The following FAM135B variants were observed in gnomAD, a reference collection of about 807,000 sequenced individuals.
FAM135B encodes protein FAM135B.
FAM135B carries 43 observed loss-of-function variants against 127.7 expected under a neutral mutation model. The observed-to-expected ratio is 0.34, with a 90% CI of 0.26 to 0.43. The LOEUF (loss-of-function observed/expected upper bound fraction) is 0.43. FAM135B is among the 20% of genes least tolerant of loss of function. The probability of loss-of-function intolerance (pLI) is 1.00; values close to 1 mark genes in which losing one functional copy is unlikely to be tolerated. For missense variants in FAM135B, 1,558 were observed against 1,725.6 expected (o/e 0.90, Z 1.72); for synonymous variants, 670 against 665.1 (o/e 1.01, Z -0.11).
At chr8:138,202,318 T>C (rs7460524) in intron 7 of FAM135B, among the ~76,000 whole-genome samples, 94,827 of 151,662 alleles carry the variant, frequency 0.63, 30,329 homozygotes, top group African/African-American at 0.73. Flanking sequence ...GGCGCAATCA[T>C]GGCTCATTGC....
In FAM135B at chr8:138,442,241, T is replaced by TAA. The variant is rs1463527012; in HGVS notation, c.-20+54429_-20+54430insTT. ...TAACGTGAAGAATATGGACACCATA[T>TAA]ATATATATATATATATATATATATA... On this transcript the variant is annotated intron_variant, in intron 1 of 19. Transcript: ENST00000395297. Among the ~76,000 whole-genome samples the TAA allele has an allele frequency of 7.2e-5, 7 of 97,482 alleles. 1 individual carries two copies. Among genetic ancestry groups the TAA allele is most frequent in the African/African-American group, 2.8e-4 (7 of 24,998 alleles). 64.0% of individuals were successfully genotyped at this position (97,482 alleles called of 152,430 possible).
At chr8:138,316,806 CCG>C (rs1169555228) in intron 2 of FAM135B, among the ~76,000 whole-genome samples, 2 of 151,852 alleles carry the variant, frequency 1.3e-5, no homozygotes, top group Non-Finnish European at 2.9e-5. Flanking sequence ...CGGTGAAACC[CCG>C]TCTCTACTAA....
intron 1 of FAM135B, chr8:138,437,294 C>A (rs1236837512): frequency 6.6e-6 from 1 of 152,206 alleles, no homozygotes; most frequent in Non-Finnish European, 1.5e-5. Context: ...CTACCCAAAA[C>A]TCATCTTGAA....
Position 138,266,876 on chromosome 8 carries a change from A to G in FAM135B, c.158-1034T>C, listed in dbSNP as rs573869902. ...ATACTAATATTTGTATAAGGCAATG[A>G]TTACCTATTGATTACCTATTTATAA... On this transcript the variant is annotated intron_variant, in intron 3 of 19. Transcript: ENST00000395297. 6.7e-5 allele frequency among the ~76,000 whole-genome samples: 10 copies of G among 150,074 alleles called. No individual in the cohort carries two copies. In the East Asian group the frequency reaches 1.8e-3, roughly 26 times the overall value.
chr8:138,430,349 A>T (rs1458310902), intron 1 of FAM135B, among the ~76,000 whole-genome samples: 1 of 152,198 alleles, frequency 6.6e-6, no homozygotes, highest in Non-Finnish European at 1.5e-5. Flanking sequence ...ATTAGTATGT[A>T]TTTTTAATAT....
chr8:138,243,782 T>C lies in FAM135B; in HGVS notation c.543-714A>G, dbSNP rs1191641837. Among the ~76,000 whole-genome samples, 1 of 152,254 alleles carries C rather than the reference T, an allele frequency of 6.6e-6. No individual in the cohort carries two copies. Among genetic ancestry groups the C allele is most frequent in the African/African-American group, 2.4e-5 (1 of 41,464 alleles). On this transcript the variant is annotated intron_variant, in intron 6 of 19. Coordinates refer to ENST00000395297, the MANE Select transcript of FAM135B (RefSeq NM_015912.4). The surrounding 1 kb of genome is among the most constrained non-coding windows in gnomAD (Gnocchi z 7.5). ...ATCATCTTCCTCTATCTTTACCTGT[T>C]TGATTTTCATCAATTGATATACCAG...
intron 7 of FAM135B, among the ~76,000 whole-genome samples, chr8:138,227,140 G>A (rs898118209): frequency 6.6e-6 from 1 of 152,192 alleles, no homozygotes; most frequent in South Asian, 2.1e-4. Context: ...GGGCAGGCAC[G>A]TGACCCAAGG....
intron 6 of FAM135B, among the ~76,000 whole-genome samples, chr8:138,247,650 C>T (rs1229363544): frequency 6.6e-6 from 1 of 152,140 alleles, no homozygotes; most frequent in African/African-American, 2.4e-5. Flanking sequence ...TTGCTCTCTG[C>T]CCTTTCGGTT....
chr8:138,365,476 T>A (rs1519375), intron 2 of FAM135B, among the ~76,000 whole-genome samples: 2 of 152,132 alleles, frequency 1.3e-5, no homozygotes, highest in Admixed American at 1.3e-4. Flanking sequence ...GCATTGTAAG[T>A]ATTTATGCTT....
chr8:138,389,596 A>G (rs1250247507), intron 1 of FAM135B, among the ~76,000 whole-genome samples: 4 of 152,242 alleles, frequency 2.6e-5, no homozygotes, highest in Non-Finnish European at 4.4e-5. Context: ...GATTTCATTC[A>G]TAATAGATAT....
chr8:138,370,454 T>C (rs915600112), intron 1 of FAM135B, among the ~76,000 whole-genome samples: 12 of 151,950 alleles, frequency 7.9e-5, no homozygotes, highest in African/African-American at 2.2e-4. Flanking sequence ...TTTTGTTTGT[T>C]TGTTTGTTTG....
At chr8:138,162,893 C>T (rs1352603948) in intron 12 of FAM135B, among the ~76,000 whole-genome samples, 1 of 151,942 alleles carries the variant, frequency 6.6e-6, no homozygotes, top group African/African-American at 2.4e-5. Context: ...GTCTTTATAC[C>T]ACAGGTCATA....
In FAM135B at chr8:138,242,136, T is replaced by C. The variant is rs150775029; in HGVS notation, c.669+806A>G. Among the ~76,000 whole-genome samples the C allele has an allele frequency of 6.6e-6, 1 of 151,288 alleles. No homozygotes were observed. Among genetic ancestry groups the C allele is most frequent in the Non-Finnish European group, 1.5e-5 (1 of 67,890 alleles). ...GGGGGCTTCTCAGCCTTCAAAATCA[T>C]GTGAGTCAATTACTTATGATAAATC... On this transcript the variant is annotated intron_variant, in intron 7 of 19. Coordinates refer to ENST00000395297, the MANE Select transcript of FAM135B (RefSeq NM_015912.4). This position sits in a 1 kb window ranked among gnomAD's most constrained non-coding sequence, Gnocchi z 9.6.
At chr8:138,392,267 T>A (rs941207800) in intron 1 of FAM135B, among the ~76,000 whole-genome samples, 55 of 152,298 alleles carry the variant, frequency 3.6e-4, no homozygotes, top group African/African-American at 1.2e-3. Context: ...CCAACTTGCA[T>A]GTATCTCTAG....
chr8:138,445,508 T>C (rs1564008586), intron 1 of FAM135B, among the ~76,000 whole-genome samples: 2 of 152,238 alleles, frequency 1.3e-5, no homozygotes, highest in South Asian at 2.1e-4. Flanking sequence ...TATATGCAAA[T>C]CCATAAATGT....
At chr8:138,156,739 T>C (rs1818793121) in intron 12 of FAM135B, among the ~76,000 whole-genome samples, 1 of 152,108 alleles carries the variant, frequency 6.6e-6, no homozygotes, top group African/African-American at 2.4e-5. Flanking sequence ...CTCCCAAGAC[T>C]AAACCAGGAA....
intron 4 of FAM135B, among the ~76,000 whole-genome samples, chr8:138,264,390 T>A (rs1047650349): frequency 2.0e-5 from 3 of 152,194 alleles, no homozygotes; most frequent in African/African-American, 4.8e-5. Context: ...AGCAGGACCA[T>A]CATGAGGTCT....
chr8:138,168,771 C>G (rs1820168686), intron 11 of FAM135B, among the ~76,000 whole-genome samples: 2 of 152,142 alleles, frequency 1.3e-5, no homozygotes, highest in Middle Eastern at 3.2e-3. Context: ...GTTTATTTTA[C>G]TCTATAAAGG....
intron 2 of FAM135B, among the ~76,000 whole-genome samples, chr8:138,325,567 T>C (rs1263673760): frequency 2.0e-5 from 3 of 152,126 alleles, no homozygotes; most frequent in Non-Finnish European, 4.4e-5. Flanking sequence ...TCAGGAAATA[T>C]ATATATATTG....
Sources: allele counts gnomAD v4.1 joint callset (sites outside exome capture counted in the v4.1 genomes callset), GRCh38; gene constraint gnomAD v4.1.1; non-coding constraint Gnocchi (gnomAD v3.1); transcripts MANE v1.5; gene names NCBI Gene and HGNC (gene_info 2026-07-23, HGNC 2026-07-21).